ATPSCKMT: variants seen among roughly 807,000 people sequenced by gnomAD.
ATPSCKMT encodes ATP synthase subunit C lysine N-methyltransferase.
ATPSCKMT carries 24 observed loss-of-function variants against 24.3 expected under a neutral mutation model. The ratio of observed to expected loss-of-function variants is 0.99; its 90% CI spans 0.71 to 1.39. ATPSCKMT has a LOEUF of 1.39. ATPSCKMT is among the 40% of genes most tolerant of loss of function. The pLI is 0.00. For missense variants in ATPSCKMT, 311 were observed against 298.4 expected, an observed-to-expected ratio of 1.04 and a Z score of -0.31; for synonymous variants, 95 against 110.5, an observed-to-expected ratio of 0.86 and a Z score of 0.88.
chr5:10,227,727 C>T (rs946705230), intron 4 of ATPSCKMT, 80 bp from the exon 5 acceptor site: 5 of 1,298,740 alleles, frequency 3.8e-6, no homozygotes, highest in African/African-American at 1.5e-5. Flanking sequence ...TTTAAGAGTC[C>T]CTGAAAATAC....
intron 4 of ATPSCKMT, 61 bp downstream of exon 4, chr5:10,235,150 G>A: frequency 6.6e-7 from 1 of 1,511,232 alleles, no homozygotes; most frequent in Non-Finnish European, 9.2e-7. Context: ...GTGGTGTTGT[G>A]GCTGGAAGGG....
At chr5:10,245,442 T>C (rs1425146830) in intron 1 of ATPSCKMT, among the ~76,000 whole-genome samples, 1 of 151,144 alleles carries the variant, frequency 6.6e-6, no homozygotes, top group Non-Finnish European at 1.5e-5. Context: ...TAAAATAAAA[T>C]AAATAAACAC....
chr5:10,245,866 T>C (rs963162226), intron 1 of ATPSCKMT, among the ~76,000 whole-genome samples: 8 of 152,222 alleles, frequency 5.3e-5, no homozygotes, highest in African/African-American at 1.4e-4. Flanking sequence ...TATTAATTGC[T>C]ATTATTATTC....
intron 1 of ATPSCKMT, among the ~76,000 whole-genome samples, chr5:10,241,562 G>C (rs2607329): frequency 0.94 from 142,399 of 152,238 alleles, 66,703 homozygotes; most frequent in Middle Eastern, 0.99. Flanking sequence ...AGTGGAAAAC[G>C]AACTGGGTCG....
chr5:10,249,765 T>C, intron 1 of ATPSCKMT, 93 bp downstream of exon 1: 1 of 1,488,990 alleles, frequency 6.7e-7, no homozygotes, highest in Non-Finnish European at 9.0e-7. Flanking sequence ...GGTCACCGCC[T>C]CGACAGTGGA....
At position 10,225,529 on chromosome 5, in the gene ATPSCKMT, T is replaced by C. The variant is rs540499484; in HGVS notation, c.*1912A>G. 5.8e-4 allele frequency among the ~76,000 whole-genome samples: 89 copies of C among 152,322 alleles called. 1 individual carries two copies. The highest frequency in any genetic ancestry group is 2.0e-3 in the African/African-American group (82 of 41,568). On this transcript the variant is annotated 3_prime_UTR_variant, in exon 5 of 5. Transcript: ENST00000511437. The stretch of plus-strand genomic sequence containing the variant: ...CGATTTACAAAAGAAAGAGCTTTAA[T>C]TGGACTTACAGTTCCATGTGGCTGG...
At chr5:10,247,089 G>T (rs1005331630) in intron 1 of ATPSCKMT, among the ~76,000 whole-genome samples, 1 of 152,222 alleles carries the variant, frequency 6.6e-6, no homozygotes, top group Non-Finnish European at 1.5e-5. Flanking sequence ...GCACTGTGAT[G>T]AAACTTTTTG....
chr5:10,234,129 A>G (rs1579422684), intron 4 of ATPSCKMT, among the ~76,000 whole-genome samples: 2 of 152,216 alleles, frequency 1.3e-5, no homozygotes, highest in Admixed American at 6.5e-5. Context: ...GGAATTCAAG[A>G]CCAGCCTGGC....
intron 2 of ATPSCKMT, among the ~76,000 whole-genome samples, chr5:10,238,450 T>C (rs1226686451): frequency 6.6e-6 from 1 of 152,194 alleles, no homozygotes; most frequent in Non-Finnish European, 1.5e-5. Context: ...CCTTTCCCAC[T>C]GCTGCTGGAA....
intron 2 of ATPSCKMT, 194 bp from the exon 3 acceptor site, chr5:10,236,809 T>G: frequency 6.7e-7 from 1 of 1,488,350 alleles, no homozygotes; most frequent in Non-Finnish European, 8.9e-7. Context: ...CCATGCAACT[T>G]AGTTTCCTTG....
chr5:10,245,100 T>G (rs1744841164), intron 1 of ATPSCKMT, among the ~76,000 whole-genome samples: 1 of 152,234 alleles, frequency 6.6e-6, no homozygotes, highest in East Asian at 1.9e-4. Flanking sequence ...GGTTTTCTCC[T>G]CAGTAAAATT....
At chr5:10,236,410 G>C in intron 3 of ATPSCKMT, 68 bp downstream of exon 3, 1 of 1,535,854 alleles carries the variant, frequency 6.5e-7, no homozygotes, top group Non-Finnish European at 8.8e-7. Context: ...TCAGTTCTCA[G>C]TCATACTAAT....
chr5:10,238,226 T>A (rs1744463791), intron 2 of ATPSCKMT, among the ~76,000 whole-genome samples: 1 of 152,194 alleles, frequency 6.6e-6, no homozygotes, highest in Non-Finnish European at 1.5e-5. Context: ...ACCGTACACC[T>A]GCACATGGTT....
intron 1 of ATPSCKMT, among the ~76,000 whole-genome samples, chr5:10,245,917 G>T (rs1006334036): frequency 1.3e-5 from 2 of 152,104 alleles, no homozygotes. Flanking sequence ...ATTTTTAACA[G>T]CTTTGAGATA....
At chr5:10,234,990 A>C (rs1561028139) in intron 4 of ATPSCKMT, among the ~76,000 whole-genome samples, 1 of 152,258 alleles carries the variant, frequency 6.6e-6, no homozygotes, top group African/African-American at 2.4e-5. Context: ...GAAATCATTG[A>C]GAATTTAATC....
At chr5:10,236,700 G>T in intron 2 of ATPSCKMT, 85 bp from the exon 3 acceptor site, 1 of 1,548,366 alleles carries the variant, frequency 6.5e-7, no homozygotes. Flanking sequence ...CCTATCAATG[G>T]TTTAAACATC....
rs182791387 is a variant in ATPSCKMT, at chr5:10,235,618, G to A, written c.445-357C>T. On this transcript the variant is annotated intron_variant, in intron 3 of 4. Coordinates refer to ENST00000511437, the MANE Select transcript of ATPSCKMT (RefSeq NM_199133.4). ...GGTGGCACCGGGGCCACGTGTTCCC[G>A]CACCAGTCCACTCTATACCACCAGC... Among the ~76,000 whole-genome samples the A allele has an allele frequency of 1.2e-3, 182 of 152,248 alleles. 1 individual carries two copies. The highest frequency in any genetic ancestry group is 4.2e-3 in the African/African-American group (173 of 41,550).
chr5:10,226,690 T>A lies in ATPSCKMT; in HGVS notation c.*751A>T, dbSNP rs547740485. 5 of 152,354 alleles carry A rather than the reference T, an allele frequency of 3.3e-5. No individual in the cohort carries two copies. The highest frequency in any genetic ancestry group is 9.6e-5 in the African/African-American group (4 of 41,588). The allele number at this position is 152,354 out of a possible 1,614,324, so 9.4% of individuals were successfully genotyped here. ...TGTCTAAAATAACAAACACCATTTA[T>A]GGACCAAAGACTAGGTGCCATGAGT... is the stretch of plus-strand genomic sequence containing the variant. On this transcript the variant is annotated 3_prime_UTR_variant, in exon 5 of 5. Coordinates refer to ENST00000511437, the MANE Select transcript of ATPSCKMT (RefSeq NM_199133.4).
At position 10,235,254 on chromosome 5, in the gene ATPSCKMT, A is replaced by G; in HGVS notation, c.452T>C (p.Phe151Ser). Residue 151 changes from phenylalanine to serine, a missense_variant, in exon 4 of 5, where the codon TTT (phenylalanine) becomes TCT (serine). Phe to Ser is a radical substitution (Grantham distance 155). Transcript: ENST00000511437. ...AATAACAACGTTCGAGTACTGCGAA[A>G]AAGTAACCTGAACAAGGTGGGAAAA... The part of the protein sequence containing the change: ...FYISDLWKVT[F>S]SQYSNVVIFG... 7 of 1,613,370 alleles carry G rather than the reference A, an allele frequency of 4.3e-6. No homozygotes were observed. Among genetic ancestry groups the G allele is most frequent in the Non-Finnish European group, 5.9e-6 (7 of 1,179,486 alleles).
Sources: gnomAD v4.1 joint callset for allele counts (sites outside exome capture counted in the v4.1 genomes callset) on GRCh38, gnomAD v4.1.1 for gene constraint, MANE v1.5 for transcripts, NCBI Gene and HGNC (gene_info 2026-07-23, HGNC 2026-07-21) for gene names.